Variants in KCNH1 observed in about 807,000 individuals in gnomAD.
The protein encoded by KCNH1 is voltage-gated delayed rectifier potassium channel KCNH1.
A neutral mutation model predicts 69.2 loss-of-function variants in KCNH1; 27 were observed. That is an observed-to-expected ratio of 0.39 (90% CI 0.29 to 0.54). KCNH1 has a LOEUF of 0.54. Among genes scored for constraint, KCNH1 ranks in the 20% least tolerant of loss-of-function variants. The pLI, the probability that KCNH1 is intolerant of heterozygous loss-of-function variation, is 0.68. For synonymous variants in KCNH1, 456 were observed against 487.7 expected, an observed-to-expected ratio of 0.93 and a Z score of 0.86; for missense variants, 798 against 1,261.6, an observed-to-expected ratio of 0.63 and a Z score of 5.57.
In KCNH1 at chr1:210,953,547, C is replaced by G. The variant is rs75515078; in HGVS notation, c.1033-33478G>C. 3.9e-5 allele frequency among the ~76,000 whole-genome samples: 6 copies of G among 152,288 alleles called. No individual in the cohort carries two copies. The East Asian group carries it at 9.7e-4, about 25-fold the overall frequency. Reference sequence around the variant, plus strand: ...CTCCCTTTCGCTGCATTTCCATAGCCCTCGTCTTCTCTTGCACGGAATACT... The same window carrying G: ...CTCCCTTTCGCTGCATTTCCATAGCGCTCGTCTTCTCTTGCACGGAATACT... On this transcript the variant is annotated intron_variant, in intron 6 of 10. Transcript: ENST00000271751.
At chr1:210,939,981 A>G (rs1687848473) in intron 6 of KCNH1, among the ~76,000 whole-genome samples, 1 of 152,232 alleles carries the variant, frequency 6.6e-6, no homozygotes, top group Non-Finnish European at 1.5e-5. Flanking sequence ...TAACAGAGAT[A>G]GTCTTGTTTG....
chr1:211,074,482 C>T (rs987612165), intron 5 of KCNH1, among the ~76,000 whole-genome samples: 11 of 152,006 alleles, frequency 7.2e-5, no homozygotes, highest in African/African-American at 2.7e-4. Flanking sequence ...TTCCATTGTA[C>T]GTACAGTAAT....
chr1:211,067,141 G>A (rs1690547567), intron 5 of KCNH1, among the ~76,000 whole-genome samples: 1 of 152,148 alleles, frequency 6.6e-6, no homozygotes, highest in Non-Finnish European at 1.5e-5. Context: ...AGTCACTCCC[G>A]CATGGAAGCC....
intron 5 of KCNH1, among the ~76,000 whole-genome samples, chr1:211,079,920 C>A (rs1021786862): frequency 6.6e-6 from 1 of 152,152 alleles, no homozygotes; most frequent in African/African-American, 2.4e-5. Context: ...GACAGAGATG[C>A]CCTCTCTCAC....
intron 6 of KCNH1, among the ~76,000 whole-genome samples, chr1:211,014,898 A>C (rs1459454335): frequency 6.6e-6 from 1 of 152,214 alleles, no homozygotes; most frequent in African/African-American, 2.4e-5. Flanking sequence ...CATATGGTGA[A>C]TAGGAAGCCA....
intron 6 of KCNH1, among the ~76,000 whole-genome samples, chr1:210,998,999 G>A (rs1002960819): frequency 6.6e-6 from 1 of 152,164 alleles, no homozygotes; most frequent in Non-Finnish European, 1.5e-5. Context: ...GAATCTCTGG[G>A]ACACATTCAA....
At chr1:211,076,559 T>C (rs1416937865) in intron 5 of KCNH1, among the ~76,000 whole-genome samples, 1 of 152,082 alleles carries the variant, frequency 6.6e-6, no homozygotes, top group Non-Finnish European at 1.5e-5. Context: ...AGGAATAGCA[T>C]CAACATCAAC....
At chr1:210,762,672 G>A (rs1301481131) in intron 10 of KCNH1, among the ~76,000 whole-genome samples, 1 of 151,978 alleles carries the variant, frequency 6.6e-6, no homozygotes, top group Non-Finnish European at 1.5e-5. Flanking sequence ...GATTGAATCA[G>A]GAAGAAAAAG....
chr1:210,941,480 A>G (rs1032021875), intron 6 of KCNH1, among the ~76,000 whole-genome samples: 2 of 152,308 alleles, frequency 1.3e-5, no homozygotes, highest in South Asian at 4.1e-4. Context: ...GGAGCCTGGT[A>G]TGCTAAAGTA....
At chr1:211,126,615 A>G (rs1238688939) in intron 1 of KCNH1, among the ~76,000 whole-genome samples, 2 of 150,668 alleles carry the variant, frequency 1.3e-5, no homozygotes, top group Non-Finnish European at 3.0e-5. Context: ...CCTGGGAGGC[A>G]GAAGCTGCAG....
intron 5 of KCNH1, among the ~76,000 whole-genome samples, chr1:211,061,121 G>C (rs1020804139): frequency 1.3e-5 from 2 of 152,122 alleles, no homozygotes; most frequent in African/African-American, 4.8e-5. Flanking sequence ...ATGACCAAGA[G>C]AGATTTATGC....
At chr1:210,732,325 A>G (rs1682766854) in intron 10 of KCNH1, among the ~76,000 whole-genome samples, 1 of 151,990 alleles carries the variant, frequency 6.6e-6, no homozygotes, top group Non-Finnish European at 1.5e-5. Context: ...TCATGAGCAA[A>G]AGGCTGGTAG....
At chr1:210,930,146 A>G (rs539047210) in intron 6 of KCNH1, among the ~76,000 whole-genome samples, 1 of 152,262 alleles carries the variant, frequency 6.6e-6, no homozygotes, top group East Asian at 1.9e-4. Context: ...CCATCAAAAT[A>G]CCACCATCAT....
chr1:210,958,539 G>T (rs2102353780), intron 6 of KCNH1, among the ~76,000 whole-genome samples: 1 of 152,204 alleles, frequency 6.6e-6, no homozygotes, highest in African/African-American at 2.4e-5. Context: ...ATCACTTTCA[G>T]GTACACCAAT....
At chr1:210,711,511 G>T (rs1682074628) in intron 10 of KCNH1, among the ~76,000 whole-genome samples, 1 of 152,278 alleles carries the variant, frequency 6.6e-6, no homozygotes, top group South Asian at 2.1e-4. Flanking sequence ...AGCCTCTGAG[G>T]TGTCTTACAT....
At chr1:210,925,750 G>T (rs1210903492) in intron 6 of KCNH1, among the ~76,000 whole-genome samples, 1 of 152,188 alleles carries the variant, frequency 6.6e-6, no homozygotes, top group East Asian at 1.9e-4. Context: ...ACTGAACTCA[G>T]ACATGCCTAT....
chr1:211,075,216 C>A (rs74156889), intron 5 of KCNH1, among the ~76,000 whole-genome samples: 57 of 152,280 alleles, frequency 3.7e-4, no homozygotes, highest in African/African-American at 1.3e-3. Context: ...AAGCCCACAT[C>A]ATGACAAAAA....
At chr1:210,894,833 T>G (rs1027194011) in intron 7 of KCNH1, among the ~76,000 whole-genome samples, 4 of 152,220 alleles carry the variant, frequency 2.6e-5, no homozygotes, top group African/African-American at 9.6e-5. Flanking sequence ...GGAGGAACCA[T>G]GAGCTAAATA....
At chr1:210,812,786 G>A (rs1305193775) in intron 7 of KCNH1, among the ~76,000 whole-genome samples, 1 of 152,150 alleles carries the variant, frequency 6.6e-6, no homozygotes, top group Non-Finnish European at 1.5e-5. Flanking sequence ...CAGAGAAGGA[G>A]CTCACAAGTT....
Sources: gnomAD v4.1 joint callset for allele counts (sites outside exome capture counted in the v4.1 genomes callset) on GRCh38, gnomAD v4.1.1 for gene constraint, MANE v1.5 for transcripts, NCBI Gene and HGNC (gene_info 2026-07-23, HGNC 2026-07-21) for gene names.